DOCK7: variants seen among roughly 807,000 people sequenced by gnomAD.
DOCK7 encodes the protein dedicator of cytokinesis 7, also known as dedicator of cytokinesis protein 7.
Under a neutral mutation model 271.0 loss-of-function variants are expected in DOCK7, and 138 were observed. The observed-to-expected ratio is 0.51, with a 90% CI of 0.44 to 0.59. DOCK7 has a LOEUF of 0.59. Ranked by LOEUF, DOCK7 falls within the 20% of genes least tolerant of loss-of-function variation. DOCK7 has a pLI of 0.00. For synonymous variants in DOCK7, 823 were observed against 876.1 expected, an observed-to-expected ratio of 0.94 and a Z score of 1.07; for missense variants, 2,066 against 2,592.4, an observed-to-expected ratio of 0.80 and a Z score of 4.41.
intron 20 of DOCK7, 61 bp from the exon 21 acceptor site, chr1:62,556,050 G>C (rs748830914): frequency 2.0e-6 from 3 of 1,519,422 alleles, no homozygotes; most frequent in Non-Finnish European, 2.7e-6. Context: ...TAAATTCCAC[G>C]AAGATCAACA....
In DOCK7 at chr1:62,641,415, T is replaced by A. The variant is rs147716698; in HGVS notation, c.819-4812A>T. The A allele has an allele frequency of 6.0e-5, 24 of 402,138 alleles. No individual in the cohort carries two copies. The East Asian group carries it at 1.7e-3, about 28-fold the overall frequency. 24.9% of individuals were successfully genotyped at this position (402,138 alleles called of 1,614,324 possible). ...TAGGGGAGTGGGATCCCATCAAACA[T>A]CTTGAGGTGGTCCAAAGCAGCCTGG... is the stretch of plus-strand genomic sequence containing the variant. On this transcript the variant is annotated intron_variant, in intron 7 of 49. Transcript: ENST00000635253.
At chr1:62,558,923 T>C (rs1346463159) in intron 20 of DOCK7, 66 bp downstream of exon 20, 3 of 1,335,254 alleles carry the variant, frequency 2.2e-6, no homozygotes, top group Admixed American at 2.2e-5. Context: ...GTTTTTTTTT[T>C]TTAACAAAAT....
chr1:62,675,231 A>G (rs891969121), intron 1 of DOCK7, among the ~76,000 whole-genome samples: 1 of 152,126 alleles, frequency 6.6e-6, no homozygotes, highest in Non-Finnish European at 1.5e-5. Context: ...CCTGGGCAAC[A>G]TAGAGTCTGT....
At chr1:62,472,087 G>T (rs539838986) in intron 48 of DOCK7, among the ~76,000 whole-genome samples, 1 of 151,920 alleles carries the variant, frequency 6.6e-6, no homozygotes, top group South Asian at 2.1e-4. Flanking sequence ...TTTTGTTGCT[G>T]TTATTTCGTT....
intron 12 of DOCK7, among the ~76,000 whole-genome samples, chr1:62,623,092 A>G (rs964329300): frequency 1.3e-5 from 2 of 152,182 alleles, no homozygotes; most frequent in Admixed American, 1.3e-4. Flanking sequence ...TTAAATCTGT[A>G]CATAAACACT....
intron 14 of DOCK7, chr1:62,601,861 G>A: frequency 6.2e-7 from 1 of 1,608,366 alleles, no homozygotes; most frequent in Non-Finnish European, 8.5e-7. Flanking sequence ...AGTTTTTCAT[G>A]TCTACTGTGA....
chr1:62,613,562 A>C (rs1444790801), intron 14 of DOCK7, among the ~76,000 whole-genome samples: 1 of 152,186 alleles, frequency 6.6e-6, no homozygotes, highest in Non-Finnish European at 1.5e-5. Flanking sequence ...ACATAATAAA[A>C]GTAAATTAAA....
In DOCK7 at chr1:62,475,788, T is replaced by C. The variant is rs144056137; in HGVS notation, c.5880A>G (p.Gln1960=). The part of the protein sequence containing the change: ...DGRAHGELHE[Q]FKRKTILTTS... ...TAGTCAGAATGGTCTTCCTTTTGAATTGTTCATGAAGTTCCCCATGGGCAC... is the reference window on the plus strand; with the variant it reads ...TAGTCAGAATGGTCTTCCTTTTGAACTGTTCATGAAGTTCCCCATGGGCAC... The change falls in exon 46 of 50, where the codon CAA becomes CAG. Residue 1960 remains glutamine (Q), a synonymous_variant. Transcript: ENST00000635253. The C allele has an allele frequency of 1.2e-4, 200 of 1,613,958 alleles. No individual in the cohort carries two copies. The highest frequency in any genetic ancestry group is 3.6e-4 in the African/African-American group (27 of 74,934).
intron 1 of DOCK7, among the ~76,000 whole-genome samples, chr1:62,663,796 A>G (rs1658958104): frequency 6.6e-6 from 1 of 152,236 alleles, no homozygotes; most frequent in Non-Finnish European, 1.5e-5. Context: ...ATGTTTACAC[A>G]AAAATAAGAG....
intron 18 of DOCK7, among the ~76,000 whole-genome samples, chr1:62,564,024 A>G (rs901990572): frequency 6.6e-6 from 1 of 152,056 alleles, no homozygotes; most frequent in Non-Finnish European, 1.5e-5. Flanking sequence ...GAGCTAACTA[A>G]CCTAAATATA....
chr1:62,505,918 T>TAC (rs1646923688), intron 35 of DOCK7, 102 bp from the exon 36 acceptor site: 1 of 1,124,920 alleles, frequency 8.9e-7, no homozygotes, highest in South Asian at 2.1e-5. Context: ...CCTGTATGTA[T>TAC]AAGTAAAGTT....
At chr1:62,665,116 G>C (rs2149722758) in intron 1 of DOCK7, among the ~76,000 whole-genome samples, 1 of 152,086 alleles carries the variant, frequency 6.6e-6, no homozygotes, top group South Asian at 2.1e-4. Flanking sequence ...CCTCCCAAGT[G>C]GCTGGAATTA....
chr1:62,567,202 T>C, intron 18 of DOCK7, among the ~76,000 whole-genome samples: 1 of 152,190 alleles, frequency 6.6e-6, no homozygotes, highest in East Asian at 1.9e-4. Flanking sequence ...ACTGGGTATA[T>C]ACCCAAAGAA....
At chr1:62,497,047 G>A (rs993568242) in intron 37 of DOCK7, among the ~76,000 whole-genome samples, 4 of 152,032 alleles carry the variant, frequency 2.6e-5, no homozygotes, top group Non-Finnish European at 1.5e-5. Context: ...TCACTCTGAA[G>A]AGATTATTGG....
rs1190669869 is a variant in DOCK7 at position 62,544,993 on chromosome 1, G to C, written c.2813C>G (p.Ala938Gly). The change falls in exon 23 of 50, where the codon GCT (alanine) becomes GGT (glycine). Residue 938 changes from alanine to glycine, a missense_variant. This residue lies in a region of DOCK7 where 1,414 missense variants were observed against 1,670.4 expected (regional missense o/e 0.85). Transcript: ENST00000635253. ...NSWVNTGGPKAAPWGSNPSPS... is the reference protein window; with the variant it reads ...NSWVNTGGPKGAPWGSNPSPS... ...ACTGGGGTTGGATCCCCATGGGGCAGCTTTTGGACCACCAGTGTTAACCCA... is the reference window on the plus strand; with the variant it reads ...ACTGGGGTTGGATCCCCATGGGGCACCTTTTGGACCACCAGTGTTAACCCA... 2.6e-5 allele frequency: 41 copies of C among 1,549,768 alleles called. No homozygotes were observed. Among genetic ancestry groups the C allele is most frequent in the Non-Finnish European group, 3.6e-5 (41 of 1,146,510 alleles).
At chr1:62,587,299 T>TAAAAAAAAAAAAAAAAAAAAAAAAAAAAA in intron 14 of DOCK7, among the ~76,000 whole-genome samples, 1 of 41,818 alleles carries the variant, frequency 2.4e-5, no homozygotes, top group Non-Finnish European at 5.4e-5. Context: ...ACCAAATAGC[T>TAAAAAAAAAAAAAAAAAAAAAAAAAAAAA]AAAAAAAAAA....
chr1:62,520,104 G>A (rs1408252875), intron 31 of DOCK7, among the ~76,000 whole-genome samples: 6 of 152,170 alleles, frequency 3.9e-5, no homozygotes, highest in African/African-American at 1.4e-4. Context: ...ATTAACTCGA[G>A]ATGGATTGAA....
At chr1:62,488,200 G>A (rs1301609677) in intron 42 of DOCK7, 1 of 152,688 alleles carries the variant, frequency 6.5e-6, no homozygotes, top group East Asian at 1.9e-4. Flanking sequence ...GAAGGGAACA[G>A]AAAAGTGGAG....
intron 37 of DOCK7, among the ~76,000 whole-genome samples, chr1:62,503,245 G>A (rs941761584): frequency 6.6e-6 from 1 of 151,536 alleles, no homozygotes; most frequent in Non-Finnish European, 1.5e-5. Flanking sequence ...AATTAATAAG[G>A]TGTATTTATC....
Sources: allele counts gnomAD v4.1 joint callset (sites outside exome capture counted in the v4.1 genomes callset), GRCh38; gene constraint gnomAD v4.1.1; regional missense constraint gnomAD v4.1.1; transcripts MANE v1.5; gene names NCBI Gene and HGNC (gene_info 2026-07-23, HGNC 2026-07-21).